Variants in PTPRD observed in about 807,000 individuals in gnomAD.
The protein encoded by PTPRD is receptor-type tyrosine-protein phosphatase delta.
PTPRD carries 34 observed loss-of-function variants against 214.5 expected under a neutral mutation model. The ratio of observed to expected loss-of-function variants is 0.16; its 90% confidence interval spans 0.12 to 0.21. PTPRD has a LOEUF of 0.21. PTPRD is among the 10% of genes least tolerant of loss of function. The probability of loss-of-function intolerance (pLI) is 1.00; values close to 1 mark genes in which losing one functional copy is unlikely to be tolerated. For missense variants in PTPRD, 2,545 were observed against 2,398.7 expected (o/e 1.06, Z -1.27); for synonymous variants, 1,128 against 845.7 (o/e 1.33, Z -5.79).
At chr9:8,609,962 G>C (rs2095383636) in intron 14 of PTPRD, among the ~76,000 whole-genome samples, 1 of 152,136 alleles carries the variant, frequency 6.6e-6, no homozygotes, top group African/African-American at 2.4e-5. Context: ...CTGATTACGA[G>C]CTGAGCTACT....
chr9:9,825,495 C>A (rs543332517), intron 5 of PTPRD, among the ~76,000 whole-genome samples: 7 of 151,824 alleles, frequency 4.6e-5, no homozygotes, highest in African/African-American at 1.4e-4. Flanking sequence ...GAAAGACAGA[C>A]AGAAACAGAC....
chr9:9,500,989 C>G (rs1030041385), intron 8 of PTPRD, among the ~76,000 whole-genome samples: 12 of 151,654 alleles, frequency 7.9e-5, no homozygotes, highest in Non-Finnish European at 1.5e-4. Flanking sequence ...CAACCATTAA[C>G]AAAATACACA....
chr9:8,496,209 CAA>C (rs59071668), intron 26 of PTPRD, among the ~76,000 whole-genome samples: 1,896 of 122,844 alleles, frequency 0.015, 42 homozygotes, highest in African/African-American at 0.046. Flanking sequence ...CACACACACA[CAA>C]ACACACACAC....
chr9:10,080,843 G>A (rs931305566), intron 3 of PTPRD, among the ~76,000 whole-genome samples: 6 of 152,040 alleles, frequency 3.9e-5, no homozygotes, highest in African/African-American at 9.7e-5. Context: ...TAGACATACT[G>A]AGACATACAG....
intron 3 of PTPRD, among the ~76,000 whole-genome samples, chr9:10,324,218 C>T (rs950537148): frequency 1.1e-4 from 17 of 152,024 alleles, no homozygotes; most frequent in African/African-American, 4.1e-4. Context: ...TATGCAACCC[C>T]TTATAAGAAT....
At chr9:10,016,994 T>G (rs1172837549) in intron 4 of PTPRD, among the ~76,000 whole-genome samples, 2 of 152,122 alleles carry the variant, frequency 1.3e-5, no homozygotes, top group African/African-American at 4.8e-5. Context: ...TTCTTTAGGA[T>G]AGTAATGAGA....
In PTPRD at chr9:10,196,802, T is replaced by C. The variant is rs1037749361; in HGVS notation, c.-545+144161A>G. ...GTCAGCATCCTAACCTGTAAAGTGA[T>C]AGTGTTCAGAAGTGGGGCTCTTAGG... On this transcript the variant is annotated intron_variant, in intron 3 of 45. Transcript: ENST00000381196. Among the ~76,000 whole-genome samples, 3 of 150,462 alleles carry C rather than the reference T, an allele frequency of 2.0e-5. 1 individual carries two copies. The highest frequency in any genetic ancestry group is 6.9e-3 in the Middle Eastern group (2 of 290).
chr9:9,734,024 A>C (rs1047579612), intron 7 of PTPRD, among the ~76,000 whole-genome samples: 1 of 152,162 alleles, frequency 6.6e-6, no homozygotes, highest in Non-Finnish European at 1.5e-5. Context: ...TGTTGCAAGG[A>C]TTTTAAGAGT....
chr9:9,841,276 C>T (rs114294501), intron 5 of PTPRD, among the ~76,000 whole-genome samples: 1 of 152,098 alleles, frequency 6.6e-6, no homozygotes, highest in Admixed American at 6.5e-5. Context: ...AATACACACA[C>T]AAAAAAGTTG....
intron 5 of PTPRD, among the ~76,000 whole-genome samples, chr9:9,933,183 A>G (rs1299772810): frequency 2.6e-5 from 4 of 152,258 alleles, no homozygotes; most frequent in African/African-American, 9.7e-5. Context: ...CGTGCAAAAT[A>G]ACCAGCTAAC....
intron 39 of PTPRD, among the ~76,000 whole-genome samples, chr9:8,342,188 A>G (rs1564106404): frequency 6.6e-6 from 1 of 152,080 alleles, no homozygotes; most frequent in South Asian, 2.1e-4. Context: ...GAGTAAAATT[A>G]GTTTAGTTTT....
intron 3 of PTPRD, among the ~76,000 whole-genome samples, chr9:10,078,348 CAAA>C (rs35499698): frequency 0.03 from 3,625 of 119,912 alleles, 67 homozygotes; most frequent in Middle Eastern, 0.043. Context: ...CCATCTCTTC[CAAA>C]AAAAAAAAAA....
chr9:10,326,113 A>G (rs369166342), intron 3 of PTPRD, among the ~76,000 whole-genome samples: 1 of 151,754 alleles, frequency 6.6e-6, no homozygotes, highest in East Asian at 1.9e-4. Flanking sequence ...TAAGCTAAAA[A>G]CCAAACAAAA....
At position 8,425,649 on chromosome 9, in the gene PTPRD, AT is replaced by A. The variant is rs1435143311; in HGVS notation, c.4086+10942del. ...CACTCCCAAGATTAACTTAACAATTATTTTTTGTTTTGTTTTTTTGTTTTTT... is the reference window on the plus strand; with the variant it reads ...CACTCCCAAGATTAACTTAACAATTATTTTTGTTTTGTTTTTTTGTTTTTT... On this transcript the variant is annotated intron_variant, in intron 35 of 45. Coordinates refer to ENST00000381196, the MANE Select transcript of PTPRD (RefSeq NM_002839.4). Among the ~76,000 whole-genome samples, 18 of 150,398 alleles carry A rather than the reference AT, an allele frequency of 1.2e-4. 1 individual carries two copies. The highest frequency in any genetic ancestry group is 6.6e-5 in the Admixed American group (1 of 15,074).
chr9:8,605,512 T>C (rs945797146), intron 14 of PTPRD, among the ~76,000 whole-genome samples: 1 of 152,150 alleles, frequency 6.6e-6, no homozygotes, highest in African/African-American at 2.4e-5. Context: ...GACTCCTCAG[T>C]GGTTACAGTC....
At chr9:9,113,936 A>G (rs2099809655) in intron 10 of PTPRD, among the ~76,000 whole-genome samples, 1 of 152,198 alleles carries the variant, frequency 6.6e-6, no homozygotes, top group Admixed American at 6.6e-5. Context: ...ATTTGGAGCA[A>G]AAGAGTATGA....
At chr9:9,984,299 A>G (rs1477471241) in intron 4 of PTPRD, among the ~76,000 whole-genome samples, 1 of 152,322 alleles carries the variant, frequency 6.6e-6, no homozygotes, top group East Asian at 1.9e-4. Context: ...ATAGAATATA[A>G]GAAAACTTTT....
chr9:9,605,208 A>G (rs1290074953), intron 7 of PTPRD, among the ~76,000 whole-genome samples: 2 of 152,088 alleles, frequency 1.3e-5, no homozygotes, highest in Non-Finnish European at 2.9e-5. Context: ...ATAATACAAT[A>G]CTTTTCACAG....
At chr9:9,379,198 T>G (rs1271703289) in intron 9 of PTPRD, among the ~76,000 whole-genome samples, 2 of 86,916 alleles carry the variant, frequency 2.3e-5, no homozygotes, top group African/African-American at 7.9e-5. Context: ...TATGTTGAGA[T>G]ATATATATAT....
Sources: allele counts gnomAD v4.1 joint callset (sites outside exome capture counted in the v4.1 genomes callset), GRCh38; gene constraint gnomAD v4.1.1; transcripts MANE v1.5; gene names NCBI Gene and HGNC (gene_info 2026-07-23, HGNC 2026-07-21).